NAALADL2: variants seen among roughly 807,000 people sequenced by gnomAD.
NAALADL2 encodes the protein inactive N-acetylated-alpha-linked acidic dipeptidase-like protein 2.
NAALADL2 carries 76 observed loss-of-function variants against 87.2 expected under a neutral mutation model. The observed-to-expected ratio is 0.87, with a 90% confidence interval of 0.72 to 1.05. The LOEUF is 1.05. NAALADL2 is among the 50% of genes least tolerant of loss of function. The pLI is 0.00. For synonymous variants in NAALADL2, 354 were observed against 331.0 expected, an observed-to-expected ratio of 1.07 and a Z score of -0.75; for missense variants, 1,089 against 945.8, an observed-to-expected ratio of 1.15 and a Z score of -1.99.
At chr3:175,587,845 C>G (rs1560805962) in intron 10 of NAALADL2, among the ~76,000 whole-genome samples, 1 of 152,110 alleles carries the variant, frequency 6.6e-6, no homozygotes, top group African/African-American at 2.4e-5. Context: ...CAAATAGTTG[C>G]TCCTCACCCA....
At chr3:175,609,595 T>A (rs1452543180) in intron 10 of NAALADL2, 1 of 152,176 alleles carries the variant, frequency 6.6e-6, no homozygotes, top group Non-Finnish European at 1.5e-5. Flanking sequence ...ACTGTGTATG[T>A]AATTCTTCCA....
At chr3:175,719,386 A>C (rs1741900919) in intron 11 of NAALADL2, among the ~76,000 whole-genome samples, 1 of 152,056 alleles carries the variant, frequency 6.6e-6, no homozygotes, top group Non-Finnish European at 1.5e-5. Context: ...GTATAATAAA[A>C]AAAAAAAGTT....
At position 175,760,433 on chromosome 3, in the gene NAALADL2, A is replaced by G. The variant is rs574465507; in HGVS notation, c.2189+5015A>G. ...GGGCACAAGGATAGACTGCAATGCC[A>G]TAAATGAAAAAGCTGCAAAGTACCT... On this transcript the variant is annotated intron_variant, in intron 13 of 13. Transcript: ENST00000454872. Among the ~76,000 whole-genome samples, 5 of 152,336 alleles carry G rather than the reference A, an allele frequency of 3.3e-5. No individual in the cohort carries two copies. The South Asian group carries it at 1.0e-3, about 32-fold the overall frequency.
intron 1 of NAALADL2, among the ~76,000 whole-genome samples, chr3:175,001,786 G>A (rs922973138): frequency 1.8e-4 from 28 of 152,052 alleles, no homozygotes; most frequent in African/African-American, 6.8e-4. Context: ...TATAGTACAG[G>A]TTGAGCATCC....
At chr3:175,368,904 T>A (rs776512927) in intron 5 of NAALADL2, among the ~76,000 whole-genome samples, 2 of 151,746 alleles carry the variant, frequency 1.3e-5, no homozygotes, top group Non-Finnish European at 2.9e-5. Context: ...TATAAAAGAT[T>A]AAAAAAAATT....
chr3:174,846,698 A>G (rs575655956), intron 3 of NAALADL2, among the ~76,000 whole-genome samples: 1 of 152,322 alleles, frequency 6.6e-6, no homozygotes, highest in Admixed American at 6.5e-5. Context: ...GGGACATCAG[A>G]GAAGCCTTTA....
At chr3:175,164,376 T>A (rs1733685397) in intron 2 of NAALADL2, among the ~76,000 whole-genome samples, 1 of 152,006 alleles carries the variant, frequency 6.6e-6, no homozygotes, top group South Asian at 2.1e-4. Context: ...CATATTATTC[T>A]AGTTTCATCA....
At chr3:174,535,871 A>G (rs1303999351) in intron 1 of NAALADL2, among the ~76,000 whole-genome samples, 1 of 152,030 alleles carries the variant, frequency 6.6e-6, no homozygotes, top group East Asian at 1.9e-4. Context: ...TTCTTTCTTT[A>G]AGAAGTAGGT....
intron 1 of NAALADL2, among the ~76,000 whole-genome samples, chr3:174,862,317 A>G (rs1482826053): frequency 1.3e-5 from 2 of 152,038 alleles, no homozygotes; most frequent in African/African-American, 2.4e-5. Context: ...AGGGAGGGAC[A>G]TGGCTGGGAG....
In NAALADL2 at chr3:174,615,531, A is replaced by G. The variant is rs76043599; in HGVS notation, c.-115+64894A>G. Among the ~76,000 whole-genome samples the G allele has an allele frequency of 9.6e-3, 1,459 of 152,290 alleles. 12 individuals are homozygous for G. The highest frequency in any genetic ancestry group is 0.014 in the Non-Finnish European group (957 of 68,014). On this transcript the variant is annotated intron_variant, in intron 2 of 3. Transcript: ENST00000434257. ...AAGCGTATTGCTTGGTGTATTAAGG[A>G]AGATTTTTTTAAACCTTCTTCTAAT... is the stretch of plus-strand genomic sequence containing the variant.
At chr3:174,738,539 C>A (rs147081213) in intron 3 of NAALADL2, among the ~76,000 whole-genome samples, 1 of 151,934 alleles carries the variant, frequency 6.6e-6, no homozygotes, top group Non-Finnish European at 1.5e-5. Flanking sequence ...GGTAGGCCTA[C>A]GGGGAAAGAG....
intron 6 of NAALADL2, among the ~76,000 whole-genome samples, chr3:175,449,549 A>G (rs1048570963): frequency 9.2e-5 from 14 of 151,996 alleles, no homozygotes; most frequent in African/African-American, 3.4e-4. Context: ...GCCCGCCACC[A>G]AGCCCGGCTA....
chr3:174,981,707 T>C (rs1476823732), intron 1 of NAALADL2, among the ~76,000 whole-genome samples: 2 of 152,122 alleles, frequency 1.3e-5, no homozygotes, highest in Non-Finnish European at 2.9e-5. Context: ...CTTAAAATAT[T>C]TTTTTTCTTA....
chr3:174,607,209 A>G (rs1391872604), intron 2 of NAALADL2, among the ~76,000 whole-genome samples: 4 of 152,138 alleles, frequency 2.6e-5, no homozygotes, highest in African/African-American at 4.8e-5. Context: ...CCGCTGCAAA[A>G]TCATGCCAAA....
At chr3:174,886,203 A>G (rs530955091) in intron 1 of NAALADL2, among the ~76,000 whole-genome samples, 5 of 152,054 alleles carry the variant, frequency 3.3e-5, no homozygotes, top group South Asian at 2.1e-4. Context: ...ATGAGCCACT[A>G]TGCCCCGCCT....
intron 9 of NAALADL2, among the ~76,000 whole-genome samples, chr3:175,549,640 C>G (rs1431186855): frequency 6.6e-6 from 1 of 151,882 alleles, no homozygotes; most frequent in Non-Finnish European, 1.5e-5. Flanking sequence ...TTCTCATTTT[C>G]TTATTGTGAA....
intron 5 of NAALADL2, among the ~76,000 whole-genome samples, chr3:175,430,061 A>G (rs1316705813): frequency 1.3e-5 from 2 of 151,902 alleles, no homozygotes; most frequent in African/African-American, 4.8e-5. Context: ...TAATAAGAAC[A>G]GCTTTATGTA....
At chr3:175,185,740 T>A (rs1018014129) in intron 2 of NAALADL2, among the ~76,000 whole-genome samples, 1 of 150,458 alleles carries the variant, frequency 6.6e-6, no homozygotes, top group Non-Finnish European at 1.5e-5. Context: ...TAAGCTTTTT[T>A]ATATAATTAT....
intron 1 of NAALADL2, among the ~76,000 whole-genome samples, chr3:175,019,820 T>C (rs554910472): frequency 1.2e-4 from 18 of 152,242 alleles, no homozygotes; most frequent in South Asian, 4.1e-4. Context: ...CATTCTCTTA[T>C]GCAAATTATT....
Sources: allele counts gnomAD v4.1 joint callset (sites outside exome capture counted in the v4.1 genomes callset), GRCh38; gene constraint gnomAD v4.1.1; transcripts MANE v1.5; gene names NCBI Gene and HGNC (gene_info 2026-07-23, HGNC 2026-07-21).